Variants in RABL3 observed in about 807,000 individuals in gnomAD.
The protein encoded by RABL3 is rab-like protein 3.
A neutral mutation model predicts 31.8 loss-of-function variants in RABL3; 31 were observed. The ratio of observed to expected loss-of-function variants is 0.97; its 90% CI spans 0.73 to 1.31. The LOEUF (loss-of-function observed/expected upper bound fraction) is 1.31, where lower values mean the gene tolerates loss of function less well. Among genes scored for constraint, RABL3 ranks in the 40% most tolerant of loss-of-function variants. RABL3 has a pLI of 0.00. For synonymous variants in RABL3, 97 were observed against 99.9 expected (o/e 0.97, Z 0.18); for missense variants, 263 against 279.6 (o/e 0.94, Z 0.42).
chr3:120,725,793 A>G (rs1315975678), intron 2 of RABL3, among the ~76,000 whole-genome samples: 1 of 152,062 alleles, frequency 6.6e-6, no homozygotes, highest in Non-Finnish European at 1.5e-5. Context: ...ACTGGGGCCT[A>G]TTGTGGGGAG....
Position 120,685,604 on chromosome 3 carries a change from C to T in RABL3, c.*4219G>A, listed in dbSNP as rs1708299596. ...TGCCAACAGAAGACATGACAATCAT[C>T]TCATGTTTAATTTGGCATATGTAGC... On this transcript the variant is annotated 3_prime_UTR_variant, in exon 8 of 8. Coordinates refer to ENST00000273375, the MANE Select transcript of RABL3 (RefSeq NM_173825.5). 6.6e-6 allele frequency among the ~76,000 whole-genome samples: 1 copy of T among 152,174 alleles called. No homozygotes were observed. Among genetic ancestry groups the T allele is most frequent in the South Asian group, 2.1e-4 (1 of 4,822 alleles).
Position 120,689,815 on chromosome 3 carries a change from A to G in RABL3, c.*8T>C. 6.3e-7 allele frequency: 1 copy of G among 1,598,652 alleles called. No homozygotes were observed. The highest frequency in any genetic ancestry group is 1.1e-5 in the South Asian group (1 of 90,622). ...TGCTTGCTCACTCTTCCAAAGGATG[A>G]GTGTAATTCAGTCATAATGAAGGCT... On this transcript the variant is annotated 3_prime_UTR_variant, in exon 8 of 8. Transcript: ENST00000273375.
intron 2 of RABL3, among the ~76,000 whole-genome samples, chr3:120,717,190 A>T (rs1434247093): frequency 6.6e-6 from 1 of 150,920 alleles, no homozygotes; most frequent in Non-Finnish European, 1.5e-5. Context: ...TGGGAGGTGG[A>T]GGTTGTAGTG....
intron 2 of RABL3, among the ~76,000 whole-genome samples, chr3:120,724,289 G>A (rs61795616): frequency 8.5e-5 from 13 of 152,194 alleles, no homozygotes; most frequent in African/African-American, 1.9e-4. Flanking sequence ...ACTGCTCAAC[G>A]AAGTAAAAGA....
At chr3:120,733,837 C>A (rs556808400) in intron 1 of RABL3, among the ~76,000 whole-genome samples, 1 of 152,242 alleles carries the variant, frequency 6.6e-6, no homozygotes, top group East Asian at 1.9e-4. Context: ...GCTTGTTTTT[C>A]TCAGGTTTGT....
chr3:120,724,836 C>T (rs1038667062), intron 2 of RABL3, among the ~76,000 whole-genome samples: 4 of 151,898 alleles, frequency 2.6e-5, no homozygotes, highest in Non-Finnish European at 5.9e-5. Context: ...AGACCTAAAA[C>T]CATAAAAACC....
At chr3:120,702,351 C>A (rs1421948427) in intron 4 of RABL3, among the ~76,000 whole-genome samples, 1 of 152,084 alleles carries the variant, frequency 6.6e-6, no homozygotes, top group Non-Finnish European at 1.5e-5. Context: ...AAGAAGCCTG[C>A]AACCTAGATC....
At chr3:120,735,679 T>C (rs1708951701) in intron 1 of RABL3, among the ~76,000 whole-genome samples, 1 of 152,202 alleles carries the variant, frequency 6.6e-6, no homozygotes, top group African/African-American at 2.4e-5. Flanking sequence ...CTTGTGGGCA[T>C]TTAGTGCTAT....
intron 2 of RABL3, chr3:120,722,284 T>C (rs1482597264): frequency 6.6e-6 from 1 of 152,058 alleles, no homozygotes; most frequent in African/African-American, 2.4e-5. Context: ...CACCCTACCA[T>C]ACGTTTGAAG....
chr3:120,723,714 T>C (rs1035350647), intron 2 of RABL3, among the ~76,000 whole-genome samples: 3 of 152,200 alleles, frequency 2.0e-5, no homozygotes, highest in African/African-American at 4.8e-5. Flanking sequence ...ATTATGTCAA[T>C]AGATGCAGAA....
intron 2 of RABL3, among the ~76,000 whole-genome samples, chr3:120,726,150 C>T (rs1312306347): frequency 6.6e-6 from 1 of 151,982 alleles, no homozygotes; most frequent in African/African-American, 2.4e-5. Context: ...TTTTCTGTCT[C>T]ATAGAGAAGA....
At chr3:120,721,539 T>C (rs1314857323) in intron 2 of RABL3, among the ~76,000 whole-genome samples, 12 of 151,382 alleles carry the variant, frequency 7.9e-5, no homozygotes, top group African/African-American at 1.5e-4. Flanking sequence ...TAGTCTCTGA[T>C]AAAACAGACT....
chr3:120,692,241 C>T (rs918042401), intron 6 of RABL3, among the ~76,000 whole-genome samples: 1 of 152,076 alleles, frequency 6.6e-6, no homozygotes, highest in East Asian at 1.9e-4. Context: ...CTCTGTCACC[C>T]AGGCTGGAGT....
rs534637955 is a variant in RABL3, at chr3:120,733,380, T to C, written c.47-2593A>G. ...TGTCTTCTTTTGAGAAGTGTCTGTT[T>C]ATGTCCTTCGCCCACGTGTTGATGG... On this transcript the variant is annotated intron_variant, in intron 1 of 7. Coordinates refer to ENST00000273375, the MANE Select transcript of RABL3 (RefSeq NM_173825.5). Among the ~76,000 whole-genome samples, 867 of 148,318 alleles carry C rather than the reference T, an allele frequency of 5.8e-3. 12 individuals carry two copies. Among genetic ancestry groups the C allele is most frequent in the Middle Eastern group, 0.022 (6 of 276 alleles).
Position 120,717,669 on chromosome 3 carries a change from A to G in RABL3, c.139-7760T>C, listed in dbSNP as rs1192422753. Among the ~76,000 whole-genome samples, 4 of 152,190 alleles carry G rather than the reference A, an allele frequency of 2.6e-5. No homozygotes were observed. In the South Asian group the frequency reaches 8.3e-4, roughly 32 times the overall value. On this transcript the variant is annotated intron_variant, in intron 2 of 7. Transcript: ENST00000273375. Reference sequence around the variant, plus strand: ...TTTTTAGTAGAGATGGGGTTTCACAATGTTGACCAGGCTGGTCTCAAACTC... The same window carrying G: ...TTTTTAGTAGAGATGGGGTTTCACAGTGTTGACCAGGCTGGTCTCAAACTC...
rs576069766 is a variant in RABL3, at chr3:120,690,129, T to A, written c.646-241A>T. ...CTAAATCAGAAAGAATGAAGGTAAA[T>A]CTCATAATACCTACTAGACTTTTAT... On this transcript the variant is annotated intron_variant, in intron 7 of 7. Coordinates refer to ENST00000273375, the MANE Select transcript of RABL3 (RefSeq NM_173825.5). 5.3e-5 allele frequency among the ~76,000 whole-genome samples: 8 copies of A among 152,256 alleles called. No individual in the cohort carries two copies. The East Asian group carries it at 1.2e-3, about 22-fold the overall frequency.
chr3:120,709,781 A>C lies in RABL3; in HGVS notation c.267T>G (p.Asn89Lys). The C allele has an allele frequency of 6.2e-7, 1 of 1,606,504 alleles. No homozygotes were observed. The highest frequency in any genetic ancestry group is 8.5e-7 in the Non-Finnish European group (1 of 1,176,188). ...GATAGAAATTTAAAAATGTTTTACC[A>C]TTTACGGAGTTGTAGAATACTGCTC... ...STRAVFYNSV[N>K]GIIFVHDLTN... Residue 89 changes from asparagine (N) to lysine (K), a missense_variant and splice_region_variant, in exon 3 of 8, where the codon AAT (asparagine) becomes AAG (lysine). Transcript: ENST00000273375.
chr3:120,731,332 T>G (rs1708879957), intron 1 of RABL3, among the ~76,000 whole-genome samples: 1 of 152,122 alleles, frequency 6.6e-6, no homozygotes, highest in Non-Finnish European at 1.5e-5. Flanking sequence ...ATTCACCATT[T>G]CACAATTCTA....
chr3:120,735,402 A>G (rs1293777590), intron 1 of RABL3, among the ~76,000 whole-genome samples: 4 of 151,718 alleles, frequency 2.6e-5, no homozygotes, highest in African/African-American at 9.7e-5. Context: ...CCCCTTTATC[A>G]TTTTTTATTG....
Sources: gnomAD v4.1 joint callset for allele counts (sites outside exome capture counted in the v4.1 genomes callset) on GRCh38, gnomAD v4.1.1 for gene constraint, MANE v1.5 for transcripts, NCBI Gene and HGNC (gene_info 2026-07-23, HGNC 2026-07-21) for gene names.